Variants in RIC8A observed in about 807,000 individuals in gnomAD.
RIC8A encodes RIC8 guanine nucleotide exchange factor A.
RIC8A carries 37 observed loss-of-function variants against 48.4 expected under a neutral mutation model. That is an observed-to-expected ratio of 0.77 (90% confidence interval 0.59 to 1.01). RIC8A has a LOEUF of 1.01. RIC8A is among the 50% of genes least tolerant of loss of function. The pLI is 0.00. For missense variants in RIC8A, 681 were observed against 696.8 expected, an observed-to-expected ratio of 0.98 and a Z score of 0.25; for synonymous variants, 288 against 283.4, an observed-to-expected ratio of 1.02 and a Z score of -0.16.
rs1038989404 is a variant in RIC8A at position 210,604 on chromosome 11, C to T, written c.760C>T (p.Leu254Phe). The T allele has an allele frequency of 1.2e-6, 2 of 1,614,138 alleles. No individual in the cohort carries two copies. The highest frequency in any genetic ancestry group is 1.7e-6 in the Non-Finnish European group (2 of 1,180,020). ...DAALYRHLGT[L>F]LRHCVMIATA... ...TGCCCTTTACCGACACCTGGGGACC[C>T]TTCTCCGGCACTGTGTGATGATCGC... is the stretch of plus-strand genomic sequence containing the variant. The change falls in exon 4 of 10, where the codon CTT (leucine) becomes TTT (phenylalanine). Residue 254 changes from leucine to phenylalanine, a missense_variant. Physicochemically the swap from Leu to Phe is conservative, Grantham distance 22. Transcript: ENST00000526104.
Position 212,764 on chromosome 11 carries a change from G to A in RIC8A, c.1210+5G>A, listed in dbSNP as rs778907064. Reference sequence around the variant, plus strand: ...TTGTCCTGTGCTCTGAGAGTGGTGAGTTATGGAGACCCAGGTCCCAGCCCA... The same window carrying A: ...TTGTCCTGTGCTCTGAGAGTGGTGAATTATGGAGACCCAGGTCCCAGCCCA... On this transcript the variant is annotated splice_donor_5th_base_variant and intron_variant, in intron 7 of 9. Transcript: ENST00000526104. The A allele has an allele frequency of 3.1e-6, 5 of 1,613,918 alleles. No homozygotes were observed. The Admixed American group carries it at 6.7e-5, about 22-fold the overall frequency.
rs116504589 is a variant in RIC8A, at chr11:208,619, G to C, written c.-236G>C. Reference sequence around the variant, plus strand: ...CAAGGAGAGGGGTCAGTTCGGTTCAGAGCGACTCAGCCCCTCGACTCGGGT... The same window carrying C: ...CAAGGAGAGGGGTCAGTTCGGTTCACAGCGACTCAGCCCCTCGACTCGGGT... On this transcript the variant is annotated 5_prime_UTR_variant, in exon 1 of 10. Coordinates refer to ENST00000526104, the MANE Select transcript of RIC8A (RefSeq NM_001286134.2). The surrounding 1 kb of genome is among the most constrained non-coding windows in gnomAD (Gnocchi z 4.8). 1 of 453,026 alleles carries C rather than the reference G, an allele frequency of 2.2e-6. No homozygotes were observed. Among genetic ancestry groups the C allele is most frequent in the East Asian group, 4.1e-5 (1 of 24,318 alleles). The allele number at this position is 453,026 out of a possible 1,614,324, so 28.1% of individuals were successfully genotyped here.
chr11:212,417 C>T lies in RIC8A; in HGVS notation c.971C>T (p.Thr324Ile), dbSNP rs1318066881. The T allele has an allele frequency of 3.1e-6, 5 of 1,613,554 alleles. No individual in the cohort carries two copies. The African/African-American group carries it at 6.7e-5, about 22-fold the overall frequency. ...LIFLEKRLHK[T>I]HRLKESVAPV... ...CCAGTGACAGAGAATCCTCTACAGA[C>T]ACACAGGCTGAAGGAGAGTGTAGCT... The change falls in exon 6 of 10, where the codon ACA becomes ATA. Residue 324 changes from threonine to isoleucine, a missense_variant and splice_region_variant. Physicochemically the swap from Thr to Ile is moderately conservative, Grantham distance 89. Transcript: ENST00000526104.
chr11:208,885 G>A lies in RIC8A; in HGVS notation c.31G>A (p.Glu11Lys), dbSNP rs767406555. ...GCCCCGGGCGGTTGCAGAAGCCGTG[G>A]AGACGGGTGAGGAGGATGTGATTAT... MEPRAVAEAV[E>K]TGEEDVIMEA... Residue 11 changes from glutamate to lysine, a missense_variant, in exon 1 of 10, where the codon GAG (glutamate) becomes AAG (lysine). Glu to Lys is a moderately conservative substitution (Grantham distance 56). Coordinates refer to ENST00000526104, the MANE Select transcript of RIC8A (RefSeq NM_001286134.2). The surrounding 1 kb of genome is among the most constrained non-coding windows in gnomAD (Gnocchi z 4.8). 17 of 1,611,056 alleles carry A rather than the reference G, an allele frequency of 1.1e-5. 1 individual carries two copies. The East Asian group carries it at 3.3e-4, about 32-fold the overall frequency.
chr11:213,552 GAA>G, intron 9 of RIC8A, 134 bp downstream of exon 9: 1 of 1,241,840 alleles, frequency 8.1e-7, no homozygotes, highest in South Asian at 1.5e-5. Flanking sequence ...GCTCACGTTT[GAA>G]ATCACTTGCC....
chr11:211,474 G>C lies in RIC8A; in HGVS notation c.969+125G>C. 1 of 1,073,882 alleles carries C rather than the reference G, an allele frequency of 9.3e-7. No homozygotes were observed. Among genetic ancestry groups the C allele is most frequent in the Non-Finnish European group, 1.3e-6 (1 of 766,482 alleles). 66.5% of individuals were successfully genotyped at this position (1,073,882 alleles called of 1,614,324 possible). On this transcript the variant is annotated intron_variant, in intron 5 of 9. Transcript: ENST00000526104. The surrounding 1 kb of genome is among the most constrained non-coding windows in gnomAD (Gnocchi z 4.0). The stretch of plus-strand genomic sequence containing the variant: ...GGAGATTGTCTTGGTGGTGTGATAT[G>C]GGCGACTCTTCCGGTTGTTCTGTGG...
chr11:209,070 G>T, intron 1 of RIC8A, 132 bp downstream of exon 1: 1 of 1,041,300 alleles, frequency 9.6e-7, no homozygotes, highest in South Asian at 1.3e-5. Context: ...GGTGCGGGGG[G>T]CAGGTCTGGG....
At chr11:210,782 T>G (rs1410247151) in intron 4 of RIC8A, 120 bp downstream of exon 4, 1 of 920,478 alleles carries the variant, frequency 1.1e-6, no homozygotes, top group African/African-American at 1.6e-5. Flanking sequence ...GAGTCTGACG[T>G]TGTCTGGGTG....
At position 211,268 on chromosome 11, in the gene RIC8A, T is replaced by C. The variant is rs1405286819; in HGVS notation, c.888T>C (p.His296=). 6.2e-7 allele frequency: 1 copy of C among 1,613,896 alleles called. No individual in the cohort carries two copies. The highest frequency in any genetic ancestry group is 8.5e-7 in the Non-Finnish European group (1 of 1,179,788). ...ATGTTCTCCTCACCCTGGAGCCACATGGAGACTCCACGGAGTTCATGGGAG... is the reference window on the plus strand; with the variant it reads ...ATGTTCTCCTCACCCTGGAGCCACACGGAGACTCCACGGAGTTCATGGGAG... ...CLDVLLTLEP[H]GDSTEFMGVN... is the part of the protein sequence containing the mutation. The change falls in exon 5 of 10, where the codon CAT becomes CAC. Residue 296 remains histidine, a synonymous_variant. Coordinates refer to ENST00000526104, the MANE Select transcript of RIC8A (RefSeq NM_001286134.2). This position sits in a 1 kb window ranked among gnomAD's most constrained non-coding sequence, Gnocchi z 4.0.
Position 212,707 on chromosome 11 carries a change from A to G in RIC8A, c.1158A>G (p.Thr386=), listed in dbSNP as rs1855393995. The G allele has an allele frequency of 6.2e-7, 1 of 1,613,966 alleles. No individual in the cohort carries two copies. The highest frequency in any genetic ancestry group is 1.3e-5 in the African/African-American group (1 of 74,922). Residue 386 remains threonine, a synonymous_variant, in exon 7 of 10, where the codon ACA becomes ACG. Transcript: ENST00000526104. ...KLVRLMTHLD[T]DVKRVAAEFL... is the part of the protein sequence containing the mutation. ...TCCGCCTCATGACACACCTGGACAC[A>G]GATGTGAAGAGGGTGGCTGCCGAGT... is the stretch of plus-strand genomic sequence containing the variant.
chr11:213,452 G>A (rs1306063926), intron 9 of RIC8A, 34 bp downstream of exon 9: 1 of 1,554,784 alleles, frequency 6.4e-7, no homozygotes, highest in Admixed American at 1.9e-5. Flanking sequence ...CCTGCAGCTG[G>A]GAGAAGGGAG....
rs1463559754 is a variant in RIC8A, at chr11:208,615, T to C, written c.-240T>C. On this transcript the variant is annotated 5_prime_UTR_variant, in exon 1 of 10. Coordinates refer to ENST00000526104, the MANE Select transcript of RIC8A (RefSeq NM_001286134.2). The surrounding 1 kb of genome is among the most constrained non-coding windows in gnomAD (Gnocchi z 4.8). ...GTCACAAGGAGAGGGGTCAGTTCGG[T>C]TCAGAGCGACTCAGCCCCTCGACTC... The C allele has an allele frequency of 6.8e-6, 3 of 441,270 alleles. No individual in the cohort carries two copies. Among genetic ancestry groups the C allele is most frequent in the Non-Finnish European group, 8.0e-6 (2 of 250,622 alleles). 27.3% of individuals were successfully genotyped at this position (441,270 alleles called of 1,614,324 possible).
At chr11:212,072 C>T (rs185608960) in intron 5 of RIC8A, 24 of 295,862 alleles carry the variant, frequency 8.1e-5, no homozygotes, top group Admixed American at 5.1e-4. Flanking sequence ...CATCTGAGGG[C>T]AATGTGTGTG....
chr11:212,928 G>A lies in RIC8A; in HGVS notation c.1302G>A (p.Gln434=). ...GLMAGGRPEG[Q]YSEDEDTDTD... ...TGGCAGGAGGCCGGCCCGAGGGCCA[G>A]TACTCAGAGGATGAGGACACAGACA... Residue 434 remains glutamine (Q), a synonymous_variant, in exon 8 of 10, where the codon CAG becomes CAA. Transcript: ENST00000526104. 1.3e-6 allele frequency: 2 copies of A among 1,596,528 alleles called. No individual in the cohort carries two copies. The highest frequency in any genetic ancestry group is 1.7e-6 in the Non-Finnish European group (2 of 1,171,754).
chr11:212,834 C>T lies in RIC8A; in HGVS notation c.1211-3C>T, dbSNP rs754499408. 17 of 1,605,394 alleles carry T rather than the reference C, an allele frequency of 1.1e-5. No individual in the cohort carries two copies. The East Asian group carries it at 2.5e-4, about 23-fold the overall frequency. Reference sequence around the variant, plus strand: ...GCACACTGACCTCTGCCTTGCCCCTCAGTGCCCCGATTCATCAAGTACACA... The same window carrying T: ...GCACACTGACCTCTGCCTTGCCCCTTAGTGCCCCGATTCATCAAGTACACA... On this transcript the variant is annotated splice_region_variant and splice_polypyrimidine_tract_variant and intron_variant, in intron 7 of 9. Transcript: ENST00000526104.
intron 3 of RIC8A, 114 bp from the exon 4 acceptor site, chr11:210,457 A>C (rs1242664546): frequency 2.0e-6 from 2 of 996,808 alleles, no homozygotes; most frequent in Non-Finnish European, 1.6e-6. Context: ...TATGCAGTAC[A>C]GGAGGTGCAC....
At position 214,501 on chromosome 11, in the gene RIC8A, T is replaced by TGTTCCTGTCCTGTCTTCACTGAG; in HGVS notation, c.*151_*152insGTTCCTGTCCTGTCTTCACTGAG. On this transcript the variant is annotated 3_prime_UTR_variant, in exon 10 of 10. Transcript: ENST00000526104. ...CCCCTTCTCTTGACTCCCGTTCTGT[T>TGTTCCTGTCCTGTCTTCACTGAG]CATGATTTGCCTCTGGTCCAGTTTC... 4 of 950,188 alleles carry TGTTCCTGTCCTGTCTTCACTGAG rather than the reference T, an allele frequency of 4.2e-6. No homozygotes were observed. The highest frequency in any genetic ancestry group is 6.5e-6 in the Non-Finnish European group (4 of 611,848). 58.9% of individuals were successfully genotyped at this position (950,188 alleles called of 1,614,324 possible).
In RIC8A at chr11:208,834, T is replaced by G. The variant is rs1383484726; in HGVS notation, c.-21T>G. The G allele has an allele frequency of 6.3e-7, 1 of 1,599,332 alleles. No homozygotes were observed. Among genetic ancestry groups the G allele is most frequent in the Admixed American group, 1.7e-5 (1 of 58,794 alleles). On this transcript the variant is annotated 5_prime_UTR_variant, in exon 1 of 10. Transcript: ENST00000526104. This position sits in a 1 kb window ranked among gnomAD's most constrained non-coding sequence, Gnocchi z 4.8. ...CCCGGAACGGCTGAGGAAGGGCCCG[T>G]CCCGCCTTCCCCGGCGCGCCATGGA...
chr11:214,811 G>C lies in RIC8A; in HGVS notation c.*461G>C, dbSNP rs748441793. 1.5e-5 allele frequency: 5 copies of C among 335,656 alleles called. No homozygotes were observed. The highest frequency in any genetic ancestry group is 2.9e-5 in the Non-Finnish European group (5 of 172,118). The allele number at this position is 335,656 out of a possible 1,614,324, so 20.8% of individuals were successfully genotyped here. On this transcript the variant is annotated 3_prime_UTR_variant, in exon 10 of 10. Transcript: ENST00000526104. ...GAAAACCTGTCAGAACTTTCCATAC[G>C]AGTATATCAGAACACACCCTTCCAA...
Sources: gnomAD v4.1 joint callset for allele counts on GRCh38, gnomAD v4.1.1 for gene constraint, Gnocchi (gnomAD v3.1) non-coding constraint, MANE v1.5 for transcripts, NCBI Gene and HGNC (gene_info 2026-07-23, HGNC 2026-07-21) for gene names.